PRKN: variants seen among roughly 807,000 people sequenced by gnomAD.
The protein encoded by PRKN is E3 ubiquitin-protein ligase parkin.
In PRKN, 56 loss-of-function variants were observed where a neutral mutation model predicts 59.5. The ratio of observed to expected loss-of-function variants is 0.94; its 90% CI spans 0.76 to 1.18. PRKN has a LOEUF of 1.18. Ranked by LOEUF, PRKN falls within the 50% of genes most tolerant of loss-of-function variation. PRKN has a pLI of 0.00. For synonymous variants in PRKN, 250 were observed against 222.1 expected (o/e 1.13, Z -1.12); for missense variants, 657 against 596.4 (o/e 1.10, Z -1.06).
intron 2 of PRKN, among the ~76,000 whole-genome samples, chr6:162,413,877 T>C (rs946153793): frequency 3.9e-5 from 6 of 152,138 alleles, no homozygotes; most frequent in Non-Finnish European, 8.8e-5. Context: ...AAGGGCAATG[T>C]CAAACTCAAG....
chr6:162,498,967 C>T (rs1279862920), intron 1 of PRKN, among the ~76,000 whole-genome samples: 1 of 152,066 alleles, frequency 6.6e-6, no homozygotes, highest in Non-Finnish European at 1.5e-5. Context: ...ATTTATTAAA[C>T]AAATATTTTA....
At chr6:161,602,104 T>TTATC (rs75473524) in intron 7 of PRKN, among the ~76,000 whole-genome samples, 10,147 of 150,470 alleles carry the variant, frequency 0.067, 683 homozygotes, top group African/African-American at 0.18. Context: ...TTAGGGGAGA[T>TTATC]TATCTATCTA....
intron 4 of PRKN, among the ~76,000 whole-genome samples, chr6:162,109,894 A>G (rs1451456055): frequency 6.6e-6 from 1 of 152,220 alleles, no homozygotes; most frequent in African/African-American, 2.4e-5. Context: ...CAATATCCCC[A>G]AGCTTAAATT....
intron 9 of PRKN, among the ~76,000 whole-genome samples, chr6:161,521,730 A>C (rs1778832941): frequency 6.6e-6 from 1 of 152,022 alleles, no homozygotes; most frequent in Non-Finnish European, 1.5e-5. Flanking sequence ...TGGGAGGTCC[A>C]TTTTCATCTT....
At chr6:162,584,191 C>T (rs1459603542) in intron 1 of PRKN, among the ~76,000 whole-genome samples, 4 of 139,876 alleles carry the variant, frequency 2.9e-5, no homozygotes, top group Admixed American at 7.9e-5. Flanking sequence ...CCAGCCTGGG[C>T]GACAGAGTGA....
chr6:162,601,678 C>CAGTACATTTTTATATATGAGG (rs1354333311), intron 1 of PRKN, among the ~76,000 whole-genome samples: 4 of 151,974 alleles, frequency 2.6e-5, no homozygotes, highest in Non-Finnish European at 4.4e-5. Flanking sequence ...CATATATGAG[C>CAGTACATTTTTATATATGAGG]AGTACATTTT....
At chr6:162,217,713 A>G (rs1445493971) in intron 3 of PRKN, among the ~76,000 whole-genome samples, 1 of 152,166 alleles carries the variant, frequency 6.6e-6, no homozygotes, top group African/African-American at 2.4e-5. Context: ...AAAGAGTATT[A>G]ATAAATACAT....
At position 161,475,857 on chromosome 6, in the gene PRKN, C is replaced by T. The variant is rs1791039937; in HGVS notation, c.1083+72997G>A. ...TTTATTACTCTGATAACTGCATTTTCCTTTCAATCTTATATATTTTATATA... is the reference window on the plus strand; with the variant it reads ...TTTATTACTCTGATAACTGCATTTTTCTTTCAATCTTATATATTTTATATA... On this transcript the variant is annotated intron_variant, in intron 9 of 11. Transcript: ENST00000366898. The surrounding 1 kb of genome is among the most constrained non-coding windows in gnomAD (Gnocchi z 5.3). Among the ~76,000 whole-genome samples the T allele has an allele frequency of 1.3e-5, 2 of 151,922 alleles. No individual in the cohort carries two copies. The highest frequency in any genetic ancestry group is 2.9e-5 in the Non-Finnish European group (2 of 67,998).
At chr6:162,399,228 T>C (rs1787638612) in intron 2 of PRKN, among the ~76,000 whole-genome samples, 1 of 152,158 alleles carries the variant, frequency 6.6e-6, no homozygotes, top group South Asian at 2.1e-4. Context: ...GATATTGTCA[T>C]GGAGAGACAT....
intron 2 of PRKN, among the ~76,000 whole-genome samples, chr6:162,419,152 GTTCTAATTACATCC>G (rs1788824071): frequency 6.6e-6 from 1 of 152,040 alleles, no homozygotes; most frequent in East Asian, 1.9e-4. Context: ...TGGCTTGGAT[GTTCTAATTACATCC>G]TTAAGACTAT....
intron 1 of PRKN, among the ~76,000 whole-genome samples, chr6:162,638,638 C>A (rs1006270767): frequency 5.3e-5 from 8 of 151,970 alleles, no homozygotes; most frequent in African/African-American, 1.9e-4. Context: ...TTAGGACTGT[C>A]ATTCTTCCAT....
chr6:161,954,188 C>CACT (rs1780088167), intron 6 of PRKN, among the ~76,000 whole-genome samples: 4 of 152,184 alleles, frequency 2.6e-5, no homozygotes, highest in Non-Finnish European at 5.9e-5. Context: ...AACGTAGCTT[C>CACT]TATAATACAT....
intron 7 of PRKN, among the ~76,000 whole-genome samples, chr6:161,605,770 G>A (rs1413350490): frequency 1.3e-5 from 2 of 151,924 alleles, no homozygotes; most frequent in East Asian, 2.0e-4. Context: ...TCGGCCTCCC[G>A]AAGTGCTGGG....
chr6:162,020,441 C>T (rs1783102680), intron 5 of PRKN, among the ~76,000 whole-genome samples: 1 of 148,290 alleles, frequency 6.7e-6, no homozygotes, highest in African/African-American at 2.5e-5. Flanking sequence ...TCTAGATATT[C>T]TTTTGTACAT....
At chr6:161,901,372 TG>T (rs1193060427) in intron 6 of PRKN, among the ~76,000 whole-genome samples, 1 of 152,164 alleles carries the variant, frequency 6.6e-6, no homozygotes, top group African/African-American at 2.4e-5. Flanking sequence ...CAGTCCTGCC[TG>T]GGGGAGAGAA....
intron 1 of PRKN, among the ~76,000 whole-genome samples, chr6:162,599,786 A>G (rs1781630462): frequency 6.6e-6 from 1 of 152,160 alleles, no homozygotes; most frequent in South Asian, 2.1e-4. Flanking sequence ...CCTAATTTCA[A>G]CCATCAACAA....
At chr6:162,010,479 G>A (rs111210765) in intron 5 of PRKN, among the ~76,000 whole-genome samples, 32 of 45,544 alleles carry the variant, frequency 7.0e-4, no homozygotes, top group African/African-American at 3.7e-3. Flanking sequence ...ATTATATAAT[G>A]TATTTATAAT....
Position 161,829,085 on chromosome 6 carries a change from G to T in PRKN, c.735-43177C>A, listed in dbSNP as rs965763679. On this transcript the variant is annotated intron_variant, in intron 6 of 11. Transcript: ENST00000366898. Reference sequence around the variant, plus strand: ...TAGTAAAAATACAAAAATTAGCCAGGCATAGTGGCATGTGCCTGTAATCCC... The same window carrying T: ...TAGTAAAAATACAAAAATTAGCCAGTCATAGTGGCATGTGCCTGTAATCCC... 3.9e-5 allele frequency among the ~76,000 whole-genome samples: 6 copies of T among 152,078 alleles called. 1 individual carries two copies. The highest frequency in any genetic ancestry group is 1.4e-4 in the African/African-American group (6 of 41,416).
At chr6:161,556,278 G>A (rs16892792) in intron 8 of PRKN, among the ~76,000 whole-genome samples, 61,319 of 151,888 alleles carry the variant, frequency 0.4, 12,560 homozygotes, top group East Asian at 0.64. Context: ...TAACATATGC[G>A]CCTGGGAATT....
Sources: allele counts gnomAD v4.1 joint callset (sites outside exome capture counted in the v4.1 genomes callset), GRCh38; gene constraint gnomAD v4.1.1; non-coding constraint Gnocchi (gnomAD v3.1); transcripts MANE v1.5; gene names NCBI Gene and HGNC (gene_info 2026-07-23, HGNC 2026-07-21).